The following TTC38 variants were observed in gnomAD, a reference collection of about 807,000 sequenced individuals.
The protein encoded by TTC38 is tetratricopeptide repeat protein 38.
TTC38 carries 64 observed loss-of-function variants against 64.2 expected under a neutral mutation model. The ratio of observed to expected loss-of-function variants is 1.00; its 90% CI spans 0.81 to 1.23. The LOEUF is 1.23. Among genes scored for constraint, TTC38 ranks in the 50% most tolerant of loss-of-function variants. The pLI is 0.00. For missense variants in TTC38, 573 were observed against 615.5 expected (o/e 0.93, Z 0.73); for synonymous variants, 254 against 249.3 (o/e 1.02, Z -0.18).
Position 46,276,721 on chromosome 22 carries a change from TATATATATTAAAAAA to T in TTC38, c.539+1309_539+1323del, listed in dbSNP as rs934557627. On this transcript the variant is annotated intron_variant, in intron 5 of 13. Coordinates refer to ENST00000381031, the MANE Select transcript of TTC38 (RefSeq NM_017931.4). This position sits in a 1 kb window ranked among gnomAD's most constrained non-coding sequence, Gnocchi z 4.7. ...TCTAAAAGAATATATATATTAAAAA[TATATATATTAAAAAA>T]ATATATATAAAATACATATATTAAA... 2.1e-5 allele frequency among the ~76,000 whole-genome samples: 3 copies of T among 142,516 alleles called. No homozygotes were observed. The highest frequency in any genetic ancestry group is 2.6e-5 in the African/African-American group (1 of 37,856). The allele number at this position is 142,516 out of a possible 152,430, so 93.5% of individuals were successfully genotyped here.
At chr22:46,283,918 T>G in intron 7 of TTC38, 55 bp from the exon 8 acceptor site, 1 of 1,328,570 alleles carries the variant, frequency 7.5e-7, no homozygotes, top group Non-Finnish European at 1.0e-6. Context: ...ACATTTGTTT[T>G]TTTCCCATAG....
chr22:46,289,832 GT>G lies in TTC38; in HGVS notation c.1250del (p.Val417AlafsTer6). On this transcript the variant is annotated frameshift_variant, in exon 13 of 14. Transcript: ENST00000381031. LOFTEE classifies it high-confidence loss of function. ...TGCCCGATTGACATTTCAGAGAGAC[GT>G]CTTCAACCAGCTGCTGATTCACGCG... ...QLGGSNAQRD[V>X]FNQLLIHAAL... 1 of 1,614,190 alleles carries G rather than the reference GT, an allele frequency of 6.2e-7. No individual in the cohort carries two copies. The highest frequency in any genetic ancestry group is 8.5e-7 in the Non-Finnish European group (1 of 1,180,016).
In TTC38 at chr22:46,274,114, CT is replaced by C. The variant is rs778930444; in HGVS notation, c.365+46del. ...TGGGAGCTGGCACCCTGAGGCTGAGCTGGGGGAGTGGCAGGGTATCCCTTTC... is the reference window on the plus strand; with the variant it reads ...TGGGAGCTGGCACCCTGAGGCTGAGCGGGGGAGTGGCAGGGTATCCCTTTC... On this transcript the variant is annotated intron_variant, in intron 4 of 13. Transcript: ENST00000381031. This position sits in a 1 kb window ranked among gnomAD's most constrained non-coding sequence, Gnocchi z 4.8. 2 of 1,144,516 alleles carry C rather than the reference CT, an allele frequency of 1.7e-6. No homozygotes were observed. The highest frequency in any genetic ancestry group is 3.2e-5 in the African/African-American group (2 of 63,044). The allele number at this position is 1,144,516 out of a possible 1,614,324, so 70.9% of individuals were successfully genotyped here.
Position 46,282,301 on chromosome 22 carries a change from T to A in TTC38, c.735+583T>A. On this transcript the variant is annotated intron_variant, in intron 7 of 13. Coordinates refer to ENST00000381031, the MANE Select transcript of TTC38 (RefSeq NM_017931.4). The surrounding 1 kb of genome is among the most constrained non-coding windows in gnomAD (Gnocchi z 4.4). Reference sequence around the variant, plus strand: ...CCAGGTACAAGGCGGACATGGGCTGTGCAGGAGGCCTTGTCAGTCCCTCTT... The same window carrying A: ...CCAGGTACAAGGCGGACATGGGCTGAGCAGGAGGCCTTGTCAGTCCCTCTT... 1 of 225,832 alleles carries A rather than the reference T, an allele frequency of 4.4e-6. No homozygotes were observed. Among genetic ancestry groups the A allele is most frequent in the South Asian group, 5.2e-5 (1 of 19,266 alleles). 14.0% of individuals were successfully genotyped at this position (225,832 alleles called of 1,614,324 possible).
chr22:46,288,883 G>A (rs1245689069), intron 11 of TTC38, among the ~76,000 whole-genome samples: 1 of 152,246 alleles, frequency 6.6e-6, no homozygotes, highest in Non-Finnish European at 1.5e-5. Flanking sequence ...CCCGTGGAGA[G>A]GACACAGTGA....
At chr22:46,280,389 A>C (rs2077525584) in intron 6 of TTC38, 1 of 343,034 alleles carries the variant, frequency 2.9e-6, no homozygotes, top group Non-Finnish European at 5.8e-6. Flanking sequence ...CTGGGAATGC[A>C]GTTTGGACTC....
At chr22:46,277,234 C>G (rs1453853671) in intron 5 of TTC38, among the ~76,000 whole-genome samples, 2 of 152,088 alleles carry the variant, frequency 1.3e-5, no homozygotes, top group African/African-American at 4.8e-5. Context: ...TTTCACTTAA[C>G]CCCGAGAAAC....
At chr22:46,268,337 G>A (rs912818316) in intron 1 of TTC38, among the ~76,000 whole-genome samples, 177 bp from the exon 2 acceptor site, 16 of 152,256 alleles carry the variant, frequency 1.1e-4, no homozygotes, top group African/African-American at 3.9e-4. Context: ...CATGGCTGGG[G>A]ACGCAGGGAA....
chr22:46,286,924 TG>T, intron 9 of TTC38, 148 bp from the exon 10 acceptor site: 1 of 599,036 alleles, frequency 1.7e-6, no homozygotes, highest in Non-Finnish European at 3.0e-6. Flanking sequence ...GCAAGGGTGA[TG>T]GGCCTGTCAG....
Position 46,291,506 on chromosome 22 carries a change from C to T in TTC38, c.1317-1285C>T, listed in dbSNP as rs952913308. Among the ~76,000 whole-genome samples, 1 of 152,206 alleles carries T rather than the reference C, an allele frequency of 6.6e-6. No individual in the cohort carries two copies. Among genetic ancestry groups the T allele is most frequent in the African/African-American group, 2.4e-5 (1 of 41,440 alleles). On this transcript the variant is annotated intron_variant, in intron 13 of 13. Coordinates refer to ENST00000381031, the MANE Select transcript of TTC38 (RefSeq NM_017931.4). This position sits in a 1 kb window ranked among gnomAD's most constrained non-coding sequence, Gnocchi z 4.6. ...TCCATGGGGCCATCAGCACAGCTCA[C>T]CAGCCCCCAAGGTGGGAAACCTTCC...
Position 46,288,539 on chromosome 22 carries a change from G to C in TTC38, c.1033G>C (p.Asp345His). Residue 345 changes from aspartate to histidine, a missense_variant, in exon 11 of 14, where the codon GAC becomes CAC. Coordinates refer to ENST00000381031, the MANE Select transcript of TTC38 (RefSeq NM_017931.4). ...HFLMASLGAH[D>H]PQTTQELLTT... Reference sequence around the variant, plus strand: ...CCTGATGGCATCCCTGGGTGCACACGACCCCCAGACCACACAGGAGCTGCT... The same window carrying C: ...CCTGATGGCATCCCTGGGTGCACACCACCCCCAGACCACACAGGAGCTGCT... The C allele has an allele frequency of 3.1e-6, 5 of 1,613,866 alleles. No individual in the cohort carries two copies. Among genetic ancestry groups the C allele is most frequent in the Non-Finnish European group, 4.2e-6 (5 of 1,179,866 alleles).
intron 5 of TTC38, among the ~76,000 whole-genome samples, chr22:46,277,042 TACATACACACAC>T (rs951824077): frequency 9.8e-5 from 7 of 71,382 alleles, no homozygotes; most frequent in African/African-American, 3.7e-4. Flanking sequence ...TACATATATA[TACATACACACAC>T]ACACACACAC....
At chr22:46,289,983 C>A in intron 13 of TTC38, 84 bp downstream of exon 13, 1 of 1,254,858 alleles carries the variant, frequency 8.0e-7, no homozygotes, top group Non-Finnish European at 1.2e-6. Flanking sequence ...GCCCCACCAC[C>A]CTTGGCCCGA....
intron 8 of TTC38, among the ~76,000 whole-genome samples, chr22:46,284,868 CAAAAAAAAA>C (rs130641): frequency 1.3e-5 from 1 of 75,324 alleles, no homozygotes; most frequent in African/African-American, 5.7e-5. Flanking sequence ...GACCCCATCT[CAAAAAAAAA>C]AAAAAAAAAA....
intron 6 of TTC38, among the ~76,000 whole-genome samples, chr22:46,280,602 G>C (rs1013650278): frequency 1.3e-5 from 2 of 152,212 alleles, no homozygotes; most frequent in Non-Finnish European, 2.9e-5. Context: ...GGGTGCCCAC[G>C]GTCCCCTACA....
At chr22:46,290,023 G>A (rs553578211) in intron 13 of TTC38, 124 bp downstream of exon 13, 39 of 857,902 alleles carry the variant, frequency 4.5e-5, no homozygotes, top group South Asian at 6.9e-5. Context: ...CTGTGAGGTC[G>A]GGAGGCTGTG....
In TTC38 at chr22:46,281,487, T is replaced by A; in HGVS notation, c.616-112T>A. 37 of 950,438 alleles carry A rather than the reference T, an allele frequency of 3.9e-5. No homozygotes were observed. The highest frequency in any genetic ancestry group is 3.5e-4 in the Middle Eastern group (1 of 2,872). The allele number at this position is 950,438 out of a possible 1,614,324, so 58.9% of individuals were successfully genotyped here. A position where few individuals can be genotyped will look rare whatever the true frequency, so the allele number is the denominator to read the frequency against. ...GTCAGAGCCCCGCCCCCCCACTTGC[T>A]CCACCCCGTTCAGCCCAGGCCCCTC... On this transcript the variant is annotated intron_variant, in intron 6 of 13. Transcript: ENST00000381031. This position sits in a 1 kb window ranked among gnomAD's most constrained non-coding sequence, Gnocchi z 5.2.
Position 46,273,080 on chromosome 22 carries a change from G to A in TTC38, c.193+664G>A, listed in dbSNP as rs554702020. On this transcript the variant is annotated intron_variant, in intron 3 of 13. Coordinates refer to ENST00000381031, the MANE Select transcript of TTC38 (RefSeq NM_017931.4). The surrounding 1 kb of genome is among the most constrained non-coding windows in gnomAD (Gnocchi z 5.1). ...TAGTCAGACTTAAGGCAGGGGACTT[G>A]TACTGCCCTGGAGAAGACAAACAAG... Among the ~76,000 whole-genome samples, 36 of 152,326 alleles carry A rather than the reference G, an allele frequency of 2.4e-4. No homozygotes were observed. The highest frequency in any genetic ancestry group is 8.2e-4 in the African/African-American group (34 of 41,572).
intron 11 of TTC38, 26 bp from the exon 12 acceptor site, chr22:46,289,376 C>G (rs977770390): frequency 3.1e-6 from 5 of 1,601,852 alleles, no homozygotes; most frequent in Non-Finnish European, 4.2e-6. Context: ...GGGCAGGCAG[C>G]TGAGGGCACC....
Sources: allele counts gnomAD v4.1 joint callset (sites outside exome capture counted in the v4.1 genomes callset), GRCh38; gene constraint gnomAD v4.1.1; non-coding constraint Gnocchi (gnomAD v3.1); transcripts MANE v1.5; gene names NCBI Gene and HGNC (gene_info 2026-07-23, HGNC 2026-07-21).